Variants in ZCCHC7 observed in about 807,000 individuals in gnomAD.
ZCCHC7 encodes the protein zinc finger CCHC-type containing 7.
In ZCCHC7, 35 loss-of-function variants were observed where a neutral mutation model predicts 52.0. The ratio of observed to expected loss-of-function variants is 0.67; its 90% confidence interval spans 0.51 to 0.89. The LOEUF is 0.89. ZCCHC7 is among the 40% of genes least tolerant of loss of function. ZCCHC7 has a pLI of 0.00. For synonymous variants in ZCCHC7, 217 were observed against 221.5 expected (o/e 0.98, Z 0.18); for missense variants, 574 against 649.1 (o/e 0.88, Z 1.26).
At chr9:37,194,065 C>T (rs187035746) in intron 2 of ZCCHC7, among the ~76,000 whole-genome samples, 1 of 152,294 alleles carries the variant, frequency 6.6e-6, no homozygotes, top group East Asian at 1.9e-4. Context: ...TTGCCTATCC[C>T]ACACAATTAA....
chr9:37,349,973 A>C (rs756217027), intron 7 of ZCCHC7, among the ~76,000 whole-genome samples: 1 of 150,798 alleles, frequency 6.6e-6, no homozygotes, highest in Non-Finnish European at 1.5e-5. Context: ...TTGTTAGTAG[A>C]GATGGGGTTT....
intron 5 of ZCCHC7, among the ~76,000 whole-genome samples, chr9:37,307,130 A>T (rs1829365834): frequency 6.6e-6 from 1 of 152,072 alleles, no homozygotes; most frequent in African/African-American, 2.4e-5. Flanking sequence ...AGTCTAAGGA[A>T]AGAAGGACAA....
At chr9:37,353,208 T>C (rs1191563336) in intron 7 of ZCCHC7, among the ~76,000 whole-genome samples, 1 of 152,186 alleles carries the variant, frequency 6.6e-6, no homozygotes, top group Non-Finnish European at 1.5e-5. Flanking sequence ...AATATATGTA[T>C]AAATTAACCA....
chr9:37,261,000 G>A lies in ZCCHC7; in HGVS notation c.611-41188G>A, dbSNP rs549727170. ...TTTTTGTTTGTTCGTTTGTTTTTTGGTTGAAGGAAAGGGATCATAGATTAT... is the reference window on the plus strand; with the variant it reads ...TTTTTGTTTGTTCGTTTGTTTTTTGATTGAAGGAAAGGGATCATAGATTAT... On this transcript the variant is annotated intron_variant, in intron 2 of 8. Coordinates refer to ENST00000336755, the MANE Select transcript of ZCCHC7 (RefSeq NM_032226.3). Among the ~76,000 whole-genome samples, 4 of 152,020 alleles carry A rather than the reference G, an allele frequency of 2.6e-5. 1 individual carries two copies. The highest frequency in any genetic ancestry group is 9.6e-5 in the African/African-American group (4 of 41,458).
chr9:37,305,456 G>T (rs1012731705), intron 4 of ZCCHC7, 88 bp from the exon 5 acceptor site: 7 of 1,497,386 alleles, frequency 4.7e-6, no homozygotes, highest in Non-Finnish European at 6.3e-6. Flanking sequence ...AATTAGAAAA[G>T]ATTTTTTTAT....
chr9:37,194,327 A>C (rs1256366280), intron 2 of ZCCHC7, among the ~76,000 whole-genome samples: 1 of 152,200 alleles, frequency 6.6e-6, no homozygotes, highest in Non-Finnish European at 1.5e-5. Context: ...GAGCTTACTT[A>C]CATATCGTAA....
At chr9:37,132,737 C>G (rs1842839213) in intron 2 of ZCCHC7, among the ~76,000 whole-genome samples, 1 of 152,202 alleles carries the variant, frequency 6.6e-6, no homozygotes. Flanking sequence ...CTCTCGTATA[C>G]TTTTAAGTCC....
intron 2 of ZCCHC7, 42 bp downstream of exon 2, chr9:37,126,984 C>A: frequency 6.3e-7 from 1 of 1,592,574 alleles, no homozygotes; most frequent in Non-Finnish European, 8.5e-7. Flanking sequence ...TATCATCTTT[C>A]ATAAGGAGGA....
At chr9:37,230,481 T>C (rs1554716254) in intron 2 of ZCCHC7, among the ~76,000 whole-genome samples, 1 of 152,186 alleles carries the variant, frequency 6.6e-6, no homozygotes, top group Non-Finnish European at 1.5e-5. Context: ...AGATCTCACT[T>C]TTGTTGGGAA....
intron 2 of ZCCHC7, among the ~76,000 whole-genome samples, chr9:37,277,896 GATATAA>G (rs1452354693): frequency 6.6e-6 from 1 of 151,640 alleles, no homozygotes; most frequent in Non-Finnish European, 1.5e-5. Context: ...AAAATTACCA[GATATAA>G]ATAAAAAGAA....
Position 37,283,225 on chromosome 9 carries a change from G to A in ZCCHC7, c.611-18963G>A, listed in dbSNP as rs73450417. 5.0e-3 allele frequency among the ~76,000 whole-genome samples: 755 copies of A among 152,112 alleles called. 16 individuals are homozygous for A. Among genetic ancestry groups the A allele is most frequent in the African/African-American group, 0.016 (680 of 41,496 alleles). On this transcript the variant is annotated intron_variant, in intron 2 of 8. Coordinates refer to ENST00000336755, the MANE Select transcript of ZCCHC7 (RefSeq NM_032226.3). ...CTTTCATGGAGTTCAGACATAATTT[G>A]GGAGAAATAAAGATAGGTAGTCAAT... is the stretch of plus-strand genomic sequence containing the variant.
At chr9:37,184,392 C>CAAAAA (rs34335465) in intron 2 of ZCCHC7, among the ~76,000 whole-genome samples, 1 of 121,316 alleles carries the variant, frequency 8.2e-6, no homozygotes, top group Non-Finnish European at 1.8e-5. Flanking sequence ...TGGCTTGCAT[C>CAAAAA]AAAAAAAAAA....
chr9:37,310,418 G>A (rs1204203499), intron 5 of ZCCHC7, among the ~76,000 whole-genome samples: 1 of 152,190 alleles, frequency 6.6e-6, no homozygotes, highest in Non-Finnish European at 1.5e-5. Flanking sequence ...ATACATAATT[G>A]TGTGTTTACT....
chr9:37,177,383 G>A (rs966483240), intron 2 of ZCCHC7, among the ~76,000 whole-genome samples: 4 of 152,038 alleles, frequency 2.6e-5, no homozygotes, highest in Non-Finnish European at 5.9e-5. Context: ...ATGGAGCTAG[G>A]TCAGAAATAG....
intron 2 of ZCCHC7, among the ~76,000 whole-genome samples, chr9:37,159,820 A>G (rs1299556050): frequency 6.6e-6 from 1 of 152,256 alleles, no homozygotes; most frequent in African/African-American, 2.4e-5. Context: ...AAAACTAATC[A>G]GTCATTAGGT....
At chr9:37,295,562 G>A (rs1289794667) in intron 2 of ZCCHC7, among the ~76,000 whole-genome samples, 1 of 152,056 alleles carries the variant, frequency 6.6e-6, no homozygotes, top group African/African-American at 2.4e-5. Context: ...CTAAAATCGT[G>A]GCATTGAGGC....
Position 37,291,577 on chromosome 9 carries a change from G to A in ZCCHC7, c.611-10611G>A, listed in dbSNP as rs564849974. 2.0e-5 allele frequency among the ~76,000 whole-genome samples: 3 copies of A among 152,284 alleles called. 1 individual carries two copies. The highest frequency in any genetic ancestry group is 2.1e-4 in the South Asian group (1 of 4,828). On this transcript the variant is annotated intron_variant, in intron 2 of 8. Coordinates refer to ENST00000336755, the MANE Select transcript of ZCCHC7 (RefSeq NM_032226.3). ...GTATATATGCAGGGGCGATTAGAAG[G>A]AAATAGATGATATAGAAATGAAAAA...
intron 2 of ZCCHC7, among the ~76,000 whole-genome samples, chr9:37,181,644 A>C (rs528207648): frequency 3.3e-5 from 5 of 152,236 alleles, no homozygotes; most frequent in Non-Finnish European, 5.9e-5. Flanking sequence ...GATTCCATTT[A>C]CGTGAAATGT....
At chr9:37,272,587 CATA>C (rs1827479588) in intron 2 of ZCCHC7, among the ~76,000 whole-genome samples, 1 of 151,032 alleles carries the variant, frequency 6.6e-6, no homozygotes, top group South Asian at 2.1e-4. Context: ...TCCCCTCTTT[CATA>C]TATATGTGAA....
Sources: gnomAD v4.1 joint callset for allele counts (sites outside exome capture counted in the v4.1 genomes callset) on GRCh38, gnomAD v4.1.1 for gene constraint, MANE v1.5 for transcripts, NCBI Gene and HGNC (gene_info 2026-07-23, HGNC 2026-07-21) for gene names.